The following ASMTL variants were observed in gnomAD, a reference collection of about 807,000 sequenced individuals.
The protein encoded by ASMTL is probable bifunctional dTTP/UTP pyrophosphatase/methyltransferase protein.
Under a neutral mutation model 60.3 loss-of-function variants are expected in ASMTL, and 57 were observed. The ratio of observed to expected loss-of-function variants is 0.95; its 90% CI spans 0.76 to 1.18. The LOEUF (loss-of-function observed/expected upper bound fraction) is 1.18, where lower values mean the gene tolerates loss of function less well. Among genes scored for constraint, ASMTL ranks in the 50% most tolerant of loss-of-function variants. The probability of loss-of-function intolerance (pLI) is 0.00; values close to 1 mark genes in which losing one functional copy is unlikely to be tolerated. For synonymous variants in ASMTL, 419 were observed against 373.0 expected, an observed-to-expected ratio of 1.12 and a Z score of -1.42; for missense variants, 981 against 852.6, an observed-to-expected ratio of 1.15 and a Z score of -1.88.
intron 2 of ASMTL, among the ~76,000 whole-genome samples, chrX:1,440,865 C>G (rs193083784): frequency 3.0e-4 from 46 of 152,204 alleles, no homozygotes; most frequent in South Asian, 6.2e-4. Flanking sequence ...TAGTATATTA[C>G]ATAGTATCAC....
intron 1 of ASMTL, among the ~76,000 whole-genome samples, chrX:1,445,821 G>T (rs2091218840): frequency 6.6e-6 from 1 of 152,116 alleles, no homozygotes; most frequent in Non-Finnish European, 1.5e-5. Context: ...GAAAAGCCAG[G>T]CCATACAGAG....
intron 9 of ASMTL, among the ~76,000 whole-genome samples, chrX:1,421,049 T>G (rs1187631739): frequency 6.6e-6 from 1 of 150,546 alleles, no homozygotes; most frequent in African/African-American, 2.5e-5. Context: ...AACCACCACA[T>G]CCCGGGTTCA....
rs2090079537 is a variant in ASMTL at position 1,412,767 on chromosome X, T to C, written c.1610A>G (p.Lys537Arg). The change falls in exon 12 of 13, where the codon AAG becomes AGG. Residue 537 changes from lysine (K) to arginine (R), a missense_variant. Transcript: ENST00000381317. ...LHDWPDDKVH[K>R]LLSRVAESCK... ...GCTCTCGGCGACCCTGCTGAGTAAC[T>C]TGTGGACTTTGTCGTCTGGCCAGTC... 3 of 1,613,948 alleles carry C rather than the reference T, an allele frequency of 1.9e-6. No individual in the cohort carries two copies. The highest frequency in any genetic ancestry group is 1.7e-6 in the Non-Finnish European group (2 of 1,179,850).
intron 8 of ASMTL, among the ~76,000 whole-genome samples, chrX:1,424,647 C>G (rs1473047457): frequency 6.6e-6 from 1 of 151,342 alleles, no homozygotes; most frequent in Non-Finnish European, 1.5e-5. Context: ...CATCTATGCA[C>G]TCATCCACCG....
intron 3 of ASMTL, 89 bp downstream of exon 3, chrX:1,439,008 G>C: frequency 7.2e-7 from 1 of 1,381,428 alleles, no homozygotes; most frequent in African/African-American, 1.4e-5. Context: ...TGTCTTAAGG[G>C]GAATGTACAA....
chrX:1,416,421 A>G (rs1318294353), intron 11 of ASMTL, among the ~76,000 whole-genome samples: 3 of 14,386 alleles, frequency 2.1e-4, no homozygotes, highest in African/African-American at 2.7e-4. Context: ...ACACCAACAG[A>G]CAGGCACACG....
chrX:1,417,143 A>G (rs6645285), intron 11 of ASMTL, among the ~76,000 whole-genome samples: 94,330 of 151,166 alleles, frequency 0.62, 30,837 homozygotes, highest in South Asian at 0.84. Flanking sequence ...ACACAACCAC[A>G]GCAGTCACAT....
chrX:1,425,162 T>A (rs2090585360), intron 8 of ASMTL, among the ~76,000 whole-genome samples: 1 of 152,134 alleles, frequency 6.6e-6, no homozygotes, highest in Non-Finnish European at 1.5e-5. Flanking sequence ...TTATCATCTA[T>A]CTATGTATCT....
Position 1,427,904 on chromosome X carries a change from C to T in ASMTL, c.727G>A (p.Gly243Arg), listed in dbSNP as rs757537747. The change falls in exon 7 of 13, where the codon GGG becomes AGG. Residue 243 changes from glycine (G) to arginine (R), a missense_variant. Gly to Arg is a moderately radical substitution (Grantham distance 125, BLOSUM62 -2). Transcript: ENST00000381317. ...CTCTGAGTGGGCTCCGAGCCGCCCC[C>T]CTCCACGTCACTGAGGTCTTCGAAG... ...DTFEDLSDVEGGGSEPTQRDA... is the reference protein window; with the variant it reads ...DTFEDLSDVERGGSEPTQRDA... 1.2e-6 allele frequency: 2 copies of T among 1,613,216 alleles called. No individual in the cohort carries two copies. The highest frequency in any genetic ancestry group is 1.3e-5 in the African/African-American group (1 of 74,938).
At chrX:1,427,004 AAAAAG>A (rs1397631740) in intron 7 of ASMTL, among the ~76,000 whole-genome samples, 1 of 150,630 alleles carries the variant, frequency 6.6e-6, no homozygotes, top group Non-Finnish European at 1.5e-5. Context: ...CAAAAACAAA[AAAAAG>A]AGAAAAAGAA....
At chrX:1,431,172 ATTGT>A (rs2090769810) in intron 6 of ASMTL, among the ~76,000 whole-genome samples, 1 of 123,722 alleles carries the variant, frequency 8.1e-6, no homozygotes, top group African/African-American at 3.3e-5. Flanking sequence ...TATTTATATA[ATTGT>A]TTATAATTAT....
At chrX:1,415,471 C>CT (rs768836925) in intron 11 of ASMTL, among the ~76,000 whole-genome samples, 5 of 147,040 alleles carry the variant, frequency 3.4e-5, no homozygotes, top group Admixed American at 1.3e-4. Flanking sequence ...TTATCATTGT[C>CT]TTTTTTTTTT....
intron 7 of ASMTL, among the ~76,000 whole-genome samples, chrX:1,426,608 T>C (rs2090618505): frequency 6.6e-6 from 1 of 152,110 alleles, no homozygotes. Context: ...ATCCCAGCAC[T>C]TTAGGAGGCC....
chrX:1,411,654 C>G (rs2090027011), intron 12 of ASMTL, among the ~76,000 whole-genome samples: 1 of 61,236 alleles, frequency 1.6e-5, no homozygotes, highest in Admixed American at 1.4e-4. Flanking sequence ...GTGGATTTCC[C>G]TCTGCCTCGG....
intron 10 of ASMTL, 49 bp from the exon 11 acceptor site, chrX:1,418,165 C>T: frequency 6.5e-7 from 1 of 1,538,836 alleles, no homozygotes; most frequent in Non-Finnish European, 8.8e-7. Context: ...CTATGGAACT[C>T]TGACGACTCT....
chrX:1,446,523 G>A (rs1185576311), intron 1 of ASMTL, among the ~76,000 whole-genome samples: 6 of 131,484 alleles, frequency 4.6e-5, no homozygotes, highest in Non-Finnish European at 6.2e-5. Context: ...TTTTTGAGAC[G>A]GAGTCTTGCT....
rs1437165964 is a variant in ASMTL, at chrX:1,452,366, G to T, written c.93+382C>A. On this transcript the variant is annotated intron_variant, in intron 1 of 12. Transcript: ENST00000381317. Reference sequence around the variant, plus strand: ...CCCATCCCCATGCCTGGGGGTCCCGGGTTACTCTCCTCATCCCCATCCATG... The same window carrying T: ...CCCATCCCCATGCCTGGGGGTCCCGTGTTACTCTCCTCATCCCCATCCATG... 5.4e-5 allele frequency among the ~76,000 whole-genome samples: 8 copies of T among 149,386 alleles called. 1 individual carries two copies. Among genetic ancestry groups the T allele is most frequent in the Non-Finnish European group, 1.0e-4 (7 of 67,356 alleles).
chrX:1,444,324 T>G (rs2091188121), intron 1 of ASMTL, among the ~76,000 whole-genome samples: 1 of 151,594 alleles, frequency 6.6e-6, no homozygotes, highest in Admixed American at 6.6e-5. Context: ...TTCTCCTGCC[T>G]CAGTCTCCCG....
intron 3 of ASMTL, among the ~76,000 whole-genome samples, chrX:1,437,669 G>C (rs1258279452): frequency 6.6e-6 from 1 of 151,744 alleles, no homozygotes. Context: ...ATGCCGAGGC[G>C]GGTGGATCAC....
Sources: gnomAD v4.1 joint callset for allele counts (sites outside exome capture counted in the v4.1 genomes callset) on GRCh38, gnomAD v4.1.1 for gene constraint, MANE v1.5 for transcripts, NCBI Gene and HGNC (gene_info 2026-07-23, HGNC 2026-07-21) for gene names.